The following NOS1AP variants were observed in gnomAD, a reference collection of about 807,000 sequenced individuals.
NOS1AP encodes the protein carboxyl-terminal PDZ ligand of neuronal nitric oxide synthase protein.
In NOS1AP, 21 loss-of-function variants were observed where a neutral mutation model predicts 56.2. The observed-to-expected ratio is 0.37, with a 90% CI of 0.26 to 0.54. The LOEUF is 0.54. NOS1AP is among the 20% of genes least tolerant of loss of function. NOS1AP has a pLI of 0.84. For synonymous variants in NOS1AP, 270 were observed against 274.6 expected (o/e 0.98, Z 0.17); for missense variants, 522 against 657.8 (o/e 0.79, Z 2.26).
intron 2 of NOS1AP, among the ~76,000 whole-genome samples, chr1:162,171,772 T>C (rs900171056): frequency 1.3e-5 from 2 of 152,126 alleles, no homozygotes; most frequent in African/African-American, 4.8e-5. Context: ...AGAGTTCTTT[T>C]CATCTAGTGG....
intron 2 of NOS1AP, among the ~76,000 whole-genome samples, chr1:162,218,124 C>A (rs1233636591): frequency 6.6e-6 from 1 of 152,156 alleles, no homozygotes; most frequent in African/African-American, 2.4e-5. Flanking sequence ...CCTCTGAGTC[C>A]ATCAGATAAG....
intron 1 of NOS1AP, among the ~76,000 whole-genome samples, chr1:162,136,243 C>G (rs1170995231): frequency 6.6e-6 from 1 of 152,112 alleles, no homozygotes; most frequent in East Asian, 1.9e-4. Context: ...AGTTCTGGGG[C>G]AGGAAAACAG....
intron 2 of NOS1AP, among the ~76,000 whole-genome samples, chr1:162,237,274 T>C (rs1274038395): frequency 6.6e-6 from 1 of 152,236 alleles, no homozygotes; most frequent in African/African-American, 2.4e-5. Context: ...TAATGTCTTT[T>C]AATGTTGACT....
chr1:162,314,202 G>A (rs1656154157), intron 4 of NOS1AP, among the ~76,000 whole-genome samples: 1 of 152,200 alleles, frequency 6.6e-6, no homozygotes, highest in Non-Finnish European at 1.5e-5. Context: ...CCCAGGGCAG[G>A]GAGCTCATGA....
intron 2 of NOS1AP, among the ~76,000 whole-genome samples, chr1:162,159,424 T>C (rs1650103520): frequency 6.6e-6 from 1 of 152,224 alleles, no homozygotes. Context: ...AACCATAAAG[T>C]GCTATTTATA....
Position 162,259,112 on chromosome 1 carries a change from A to C in NOS1AP, c.178-28232A>C, listed in dbSNP as rs143392174. Among the ~76,000 whole-genome samples, 1,135 of 152,316 alleles carry C rather than the reference A, an allele frequency of 7.5e-3. 18 individuals carry two copies. The highest frequency in any genetic ancestry group is 0.026 in the African/African-American group (1,073 of 41,558). ...TTATGATTCTCATCATCTGGGACAGAGAGCTCCCTGTTCATACACAGGTAG... is the reference window on the plus strand; with the variant it reads ...TTATGATTCTCATCATCTGGGACAGCGAGCTCCCTGTTCATACACAGGTAG... On this transcript the variant is annotated intron_variant, in intron 2 of 9. Coordinates refer to ENST00000361897, the MANE Select transcript of NOS1AP (RefSeq NM_014697.3).
intron 2 of NOS1AP, among the ~76,000 whole-genome samples, chr1:162,155,324 A>ATGTGTATATGTATGTATGTG (rs1300605327): frequency 6.8e-6 from 1 of 146,122 alleles, no homozygotes; most frequent in African/African-American, 2.5e-5. Context: ...ATATATATGT[A>ATGTGTATATGTATGTATGTG]TGTGTATATG....
intron 2 of NOS1AP, among the ~76,000 whole-genome samples, chr1:162,273,157 G>A (rs984049042): frequency 9.7e-6 from 1 of 102,680 alleles, no homozygotes; most frequent in Non-Finnish European, 2.0e-5. Flanking sequence ...GGAAGCCCTT[G>A]TTCTTTTTTT....
At chr1:162,179,551 G>A (rs2102143630) in intron 2 of NOS1AP, among the ~76,000 whole-genome samples, 1 of 152,284 alleles carries the variant, frequency 6.6e-6, no homozygotes, top group South Asian at 2.1e-4. Context: ...CCAGCATTTG[G>A]GGTAAATGCT....
chr1:162,103,077 A>G (rs773154327), intron 1 of NOS1AP, among the ~76,000 whole-genome samples: 1 of 152,160 alleles, frequency 6.6e-6, no homozygotes, highest in African/African-American at 2.4e-5. Context: ...ATTCAGTGCT[A>G]TAAATTTCCC....
chr1:162,321,739 T>TAC (rs1656429516), intron 4 of NOS1AP, among the ~76,000 whole-genome samples: 1 of 146,240 alleles, frequency 6.8e-6, no homozygotes, highest in South Asian at 2.1e-4. Context: ...AAAATATATA[T>TAC]ATATATATAT....
chr1:162,220,083 C>G (rs964558086), intron 2 of NOS1AP, among the ~76,000 whole-genome samples: 2 of 152,108 alleles, frequency 1.3e-5, no homozygotes, highest in African/African-American at 4.8e-5. Context: ...AGATGAACAC[C>G]ATCATACCCG....
intron 4 of NOS1AP, among the ~76,000 whole-genome samples, chr1:162,324,433 T>TG (rs1656519376): frequency 6.8e-6 from 1 of 147,270 alleles, no homozygotes; most frequent in Non-Finnish European, 1.5e-5. Flanking sequence ...TTTTTTTTTT[T>TG]TTTTTTTTTT....
intron 2 of NOS1AP, among the ~76,000 whole-genome samples, chr1:162,209,977 G>A (rs1350338710): frequency 2.0e-5 from 3 of 152,128 alleles, no homozygotes; most frequent in Non-Finnish European, 4.4e-5. Flanking sequence ...GATATCAGAC[G>A]AGTGACCAGA....
At chr1:162,157,184 C>G (rs1247272248) in intron 2 of NOS1AP, 1 of 154,220 alleles carries the variant, frequency 6.5e-6, no homozygotes, top group Non-Finnish European at 1.5e-5. Flanking sequence ...ATCTGCCAGC[C>G]CTTATGGCCC....
At chr1:162,079,158 A>C (rs1050492647) in intron 1 of NOS1AP, among the ~76,000 whole-genome samples, 1 of 152,098 alleles carries the variant, frequency 6.6e-6, no homozygotes, top group Non-Finnish European at 1.5e-5. Flanking sequence ...ACCCCCCAGC[A>C]TGGCCTCTTT....
At chr1:162,137,257 C>G (rs951725600) in intron 1 of NOS1AP, among the ~76,000 whole-genome samples, 4 of 152,344 alleles carry the variant, frequency 2.6e-5, no homozygotes, top group African/African-American at 9.6e-5. Context: ...CAGTTTCAGC[C>G]TCTCAGCCAC....
chr1:162,366,171 G>A (rs1297887965), intron 9 of NOS1AP, among the ~76,000 whole-genome samples: 2 of 152,212 alleles, frequency 1.3e-5, no homozygotes, highest in Non-Finnish European at 2.9e-5. Flanking sequence ...CTGGGCAGCT[G>A]TAGATCGCAA....
intron 6 of NOS1AP, among the ~76,000 whole-genome samples, chr1:162,351,810 T>C (rs6685342): frequency 0.38 from 57,670 of 151,994 alleles, 11,779 homozygotes; most frequent in East Asian, 0.52. Context: ...ACTCACTGTC[T>C]ATTTTCTTAT....
Sources: gnomAD v4.1 joint callset for allele counts (sites outside exome capture counted in the v4.1 genomes callset) on GRCh38, gnomAD v4.1.1 for gene constraint, MANE v1.5 for transcripts, NCBI Gene and HGNC (gene_info 2026-07-23, HGNC 2026-07-21) for gene names.